The following OSBPL3 variants were observed in gnomAD, a reference collection of about 807,000 sequenced individuals.
OSBPL3 encodes the protein oxysterol binding protein like 3, also known as oxysterol-binding protein-related protein 3.
In OSBPL3, 65 loss-of-function variants were observed where a neutral mutation model predicts 120.1. The ratio of observed to expected loss-of-function variants is 0.54; its 90% CI spans 0.44 to 0.67. The LOEUF (loss-of-function observed/expected upper bound fraction) is 0.67, where lower values mean the gene tolerates loss of function less well. Ranked by LOEUF, OSBPL3 falls within the 30% of genes least tolerant of loss-of-function variation. The probability of loss-of-function intolerance (pLI) is 0.00; values close to 1 mark genes in which losing one functional copy is unlikely to be tolerated. For synonymous variants in OSBPL3, 416 were observed against 402.6 expected (o/e 1.03, Z -0.40); for missense variants, 1,004 against 1,082.1 (o/e 0.93, Z 1.01).
At position 24,953,188 on chromosome 7, in the gene OSBPL3, A is replaced by G. The variant is rs1238069311; in HGVS notation, c.-150+26698T>C. Among the ~76,000 whole-genome samples the G allele has an allele frequency of 6.6e-6, 1 of 152,182 alleles. No homozygotes were observed. The highest frequency in any genetic ancestry group is 2.4e-5 in the African/African-American group (1 of 41,438). On this transcript the variant is annotated intron_variant, in intron 1 of 22. Coordinates refer to ENST00000313367, the MANE Select transcript of OSBPL3 (RefSeq NM_015550.4). This position sits in a 1 kb window ranked among gnomAD's most constrained non-coding sequence, Gnocchi z 4.3. Reference sequence around the variant, plus strand: ...GGCTTTTGCTAATAATACTATCTTAAAAGATTAAAGCCTTCACTTAAGTAG... The same window carrying G: ...GGCTTTTGCTAATAATACTATCTTAGAAGATTAAAGCCTTCACTTAAGTAG...
At chr7:24,839,383 G>A (rs1017468835) in intron 14 of OSBPL3, among the ~76,000 whole-genome samples, 7 of 152,044 alleles carry the variant, frequency 4.6e-5, no homozygotes, top group African/African-American at 1.4e-4. Flanking sequence ...TGTTTGGGGG[G>A]CTAGCCAGAC....
Position 24,849,031 on chromosome 7 carries a change from C to T in OSBPL3, c.1266+38G>A, listed in dbSNP as rs1434778497. ...CAGATGGTATCACGGGAGCGGGCGG[C>T]AGCTGGGGAGACATTACCAGACGAG... On this transcript the variant is annotated intron_variant, in intron 12 of 22. Transcript: ENST00000313367. The surrounding 1 kb of genome is among the most constrained non-coding windows in gnomAD (Gnocchi z 5.4). The T allele has an allele frequency of 2.8e-6, 4 of 1,428,962 alleles. No homozygotes were observed. The highest frequency in any genetic ancestry group is 3.9e-6 in the Non-Finnish European group (4 of 1,014,592). 88.5% of individuals were successfully genotyped at this position (1,428,962 alleles called of 1,614,324 possible). A position where few individuals can be genotyped will look rare whatever the true frequency, so the allele number is the denominator to read the frequency against.
At chr7:24,868,079 G>C (rs1193166178) in intron 5 of OSBPL3, among the ~76,000 whole-genome samples, 1 of 152,188 alleles carries the variant, frequency 6.6e-6, no homozygotes, top group African/African-American at 2.4e-5. Context: ...AGCACTTCGG[G>C]AGGCTGAGGA....
intron 1 of OSBPL3, among the ~76,000 whole-genome samples, chr7:24,929,913 C>G (rs1221766488): frequency 6.6e-6 from 1 of 152,160 alleles, no homozygotes; most frequent in Non-Finnish European, 1.5e-5. Flanking sequence ...TATACAATAT[C>G]TCTTTACTAT....
chr7:24,834,836 T>TCAGAGTTGTTCA lies in OSBPL3; in HGVS notation c.1496-101_1496-100insTGAACAACTCTG. Reference sequence around the variant, plus strand: ...ACCTTACGTAGCAAGTAGTCAATGTTACTATTAAACTCAGTTGTTCAGAGT... The same window carrying TCAGAGTTGTTCA: ...ACCTTACGTAGCAAGTAGTCAATGTTCAGAGTTGTTCAACTATTAAACTCAGTTGTTCAGAGT... On this transcript the variant is annotated intron_variant, in intron 14 of 22. Transcript: ENST00000313367. This position sits in a 1 kb window ranked among gnomAD's most constrained non-coding sequence, Gnocchi z 5.2. 9.0e-7 allele frequency: 1 copy of TCAGAGTTGTTCA among 1,109,510 alleles called. No individual in the cohort carries two copies. Among genetic ancestry groups the TCAGAGTTGTTCA allele is most frequent in the South Asian group, 1.7e-5 (1 of 60,326 alleles). The allele number at this position is 1,109,510 out of a possible 1,614,324, so 68.7% of individuals were successfully genotyped here.
At chr7:24,941,978 G>T (rs1813156030) in intron 1 of OSBPL3, among the ~76,000 whole-genome samples, 1 of 152,114 alleles carries the variant, frequency 6.6e-6, no homozygotes, top group Non-Finnish European at 1.5e-5. Context: ...GTCATTCTAA[G>T]GACTCAGGGC....
intron 19 of OSBPL3, among the ~76,000 whole-genome samples, chr7:24,814,493 T>C (rs919744288): frequency 1.3e-5 from 2 of 151,980 alleles, no homozygotes; most frequent in Non-Finnish European, 2.9e-5. Flanking sequence ...CCATACCTAA[T>C]GTAACATTGA....
At position 24,849,018 on chromosome 7, in the gene OSBPL3, C is replaced by T. The variant is rs756843899; in HGVS notation, c.1266+51G>A. ...TCGTGCAATGGGACAGATGGTATCA[C>T]GGGAGCGGGCGGCAGCTGGGGAGAC... On this transcript the variant is annotated intron_variant, in intron 12 of 22. Coordinates refer to ENST00000313367, the MANE Select transcript of OSBPL3 (RefSeq NM_015550.4). This position sits in a 1 kb window ranked among gnomAD's most constrained non-coding sequence, Gnocchi z 5.4. 3.1e-5 allele frequency: 40 copies of T among 1,281,530 alleles called. No individual in the cohort carries two copies. The East Asian group carries it at 7.4e-4, about 24-fold the overall frequency. The allele number at this position is 1,281,530 out of a possible 1,614,324, so 79.4% of individuals were successfully genotyped here. A position where few individuals can be genotyped will look rare whatever the true frequency, so the allele number is the denominator to read the frequency against.
chr7:24,842,251 G>A (rs774400677), intron 13 of OSBPL3, 28 bp downstream of exon 13: 1 of 1,602,584 alleles, frequency 6.2e-7, no homozygotes, highest in Non-Finnish European at 8.5e-7. Context: ...AGATTTTTGA[G>A]GCACCATACT....
At chr7:24,921,667 G>A (rs1011786449) in intron 1 of OSBPL3, among the ~76,000 whole-genome samples, 12 of 152,092 alleles carry the variant, frequency 7.9e-5, no homozygotes, top group African/African-American at 2.7e-4. Flanking sequence ...ACAGGGCGTG[G>A]TCCACATTGG....
chr7:24,829,602 C>A (rs575786681), intron 16 of OSBPL3, among the ~76,000 whole-genome samples: 3 of 152,234 alleles, frequency 2.0e-5, no homozygotes, highest in African/African-American at 7.2e-5. Context: ...TCTCTAAGAA[C>A]TAGGGGGTGA....
intron 1 of OSBPL3, among the ~76,000 whole-genome samples, chr7:24,957,504 T>C (rs1411013974): frequency 6.6e-6 from 1 of 152,174 alleles, no homozygotes; most frequent in Middle Eastern, 3.2e-3. Flanking sequence ...CAGATAAAAT[T>C]GATAATAAAC....
In OSBPL3 at chr7:24,947,636, T is replaced by C. The variant is rs1309187677; in HGVS notation, c.-150+32250A>G. Among the ~76,000 whole-genome samples the C allele has an allele frequency of 6.6e-6, 1 of 152,212 alleles. No homozygotes were observed. Among genetic ancestry groups the C allele is most frequent in the Admixed American group, 6.5e-5 (1 of 15,278 alleles). ...GAAGGAAGCCAAATATTGCCAAAAATATCTAGGAATCACTATTTCTGAGTA... is the reference window on the plus strand; with the variant it reads ...GAAGGAAGCCAAATATTGCCAAAAACATCTAGGAATCACTATTTCTGAGTA... On this transcript the variant is annotated intron_variant, in intron 1 of 22. Transcript: ENST00000313367. This position sits in a 1 kb window ranked among gnomAD's most constrained non-coding sequence, Gnocchi z 4.4.
rs1249561599 is a variant in OSBPL3, at chr7:24,805,311, G to A, written c.2445-874C>T. 6.6e-6 allele frequency among the ~76,000 whole-genome samples: 1 copy of A among 152,074 alleles called. No homozygotes were observed. Among genetic ancestry groups the A allele is most frequent in the Non-Finnish European group, 1.5e-5 (1 of 67,998 alleles). Reference sequence around the variant, plus strand: ...GGATGTCGACATGATTTTTAAATTTGCATTTTTCTTATTATGATTAAGGCT... The same window carrying A: ...GGATGTCGACATGATTTTTAAATTTACATTTTTCTTATTATGATTAAGGCT... On this transcript the variant is annotated intron_variant, in intron 21 of 22. Coordinates refer to ENST00000313367, the MANE Select transcript of OSBPL3 (RefSeq NM_015550.4). The surrounding 1 kb of genome is among the most constrained non-coding windows in gnomAD (Gnocchi z 4.0).
intron 1 of OSBPL3, among the ~76,000 whole-genome samples, chr7:24,931,464 T>C (rs1443144047): frequency 6.6e-6 from 1 of 152,018 alleles, no homozygotes; most frequent in Non-Finnish European, 1.5e-5. Context: ...CGTCAGGAGA[T>C]GTAGAAGGCA....
intron 16 of OSBPL3, among the ~76,000 whole-genome samples, chr7:24,825,361 T>A (rs1313537004): frequency 6.6e-6 from 1 of 152,186 alleles, no homozygotes; most frequent in Non-Finnish European, 1.5e-5. Flanking sequence ...AAAGAGCTAT[T>A]AAGGATGATG....
chr7:24,852,726 C>G lies in OSBPL3; in HGVS notation c.1028-92G>C. ...ACATATCTCTTATAAAAGAAACAAG[C>G]AAAGTAACAGCCCTGAATATTTTGA... On this transcript the variant is annotated intron_variant, in intron 10 of 22. Transcript: ENST00000313367. The surrounding 1 kb of genome is among the most constrained non-coding windows in gnomAD (Gnocchi z 4.1). The G allele has an allele frequency of 3.7e-6, 3 of 817,974 alleles. No homozygotes were observed. Among genetic ancestry groups the G allele is most frequent in the Non-Finnish European group, 5.4e-6 (3 of 553,114 alleles). The allele number at this position is 817,974 out of a possible 1,614,324, so 50.7% of individuals were successfully genotyped here.
chr7:24,846,787 G>A (rs1427858098), intron 12 of OSBPL3, among the ~76,000 whole-genome samples: 1 of 152,150 alleles, frequency 6.6e-6, no homozygotes, highest in Admixed American at 6.5e-5. Context: ...TAACGAGGCC[G>A]GGCGCAGTGG....
chr7:24,955,514 C>A lies in OSBPL3; in HGVS notation c.-150+24372G>T, dbSNP rs1263220444. Among the ~76,000 whole-genome samples the A allele has an allele frequency of 6.6e-6, 1 of 152,212 alleles. No homozygotes were observed. Among genetic ancestry groups the A allele is most frequent in the Non-Finnish European group, 1.5e-5 (1 of 68,032 alleles). On this transcript the variant is annotated intron_variant, in intron 1 of 22. Coordinates refer to ENST00000313367, the MANE Select transcript of OSBPL3 (RefSeq NM_015550.4). The surrounding 1 kb of genome is among the most constrained non-coding windows in gnomAD (Gnocchi z 4.3). ...TACTGGGGTGGCCTCAGGGCCTTTG[C>A]ACTTCTTGTTTTCTCTAAGTAGATG...
Sources: gnomAD v4.1 joint callset for allele counts (sites outside exome capture counted in the v4.1 genomes callset) on GRCh38, gnomAD v4.1.1 for gene constraint, Gnocchi (gnomAD v3.1) non-coding constraint, MANE v1.5 for transcripts, NCBI Gene and HGNC (gene_info 2026-07-23, HGNC 2026-07-21) for gene names.